CUBN: variants seen among roughly 807,000 people sequenced by gnomAD.
The protein encoded by CUBN is 460 kDa receptor.
Under a neutral mutation model 405.3 loss-of-function variants are expected in CUBN, and 282 were observed. The ratio of observed to expected loss-of-function variants is 0.70; its 90% CI spans 0.63 to 0.77. The LOEUF is 0.77. Among genes scored for constraint, CUBN ranks in the 30% least tolerant of loss-of-function variants. The pLI, the probability that CUBN is intolerant of heterozygous loss-of-function variation, is 0.00. For synonymous variants in CUBN, 1,684 were observed against 1,617.0 expected, an observed-to-expected ratio of 1.04 and a Z score of -0.99; for missense variants, 4,514 against 4,475.2, an observed-to-expected ratio of 1.01 and a Z score of -0.25.
chr10:16,834,986 A>G (rs1307582825), intron 64 of CUBN, 28 bp downstream of exon 64: 6 of 1,600,816 alleles, frequency 3.7e-6, no homozygotes, highest in Non-Finnish European at 5.1e-6. Context: ...TAAATAATTC[A>G]TTCAAACGAT....
At chr10:16,873,721 CAAAAAA>C (rs56307605) in intron 58 of CUBN, among the ~76,000 whole-genome samples, 1 of 116,498 alleles carries the variant, frequency 8.6e-6, no homozygotes, top group South Asian at 2.7e-4. Flanking sequence ...GACCTTCTCT[CAAAAAA>C]AAAAAAAAAA....
At chr10:17,126,628 A>G (rs1837197920) in intron 4 of CUBN, 133 bp downstream of exon 4, 1 of 945,988 alleles carries the variant, frequency 1.1e-6, no homozygotes, top group Admixed American at 1.9e-5. Flanking sequence ...CTGGGATGAG[A>G]ATTAAATTAT....
chr10:16,994,279 A>T (rs1164966711), intron 28 of CUBN, among the ~76,000 whole-genome samples: 1 of 152,226 alleles, frequency 6.6e-6, no homozygotes, highest in Non-Finnish European at 1.5e-5. Context: ...TATCTCTTGA[A>T]AAAAAGAAAG....
intron 6 of CUBN, among the ~76,000 whole-genome samples, chr10:17,120,808 T>C (rs1837022134): frequency 6.6e-6 from 1 of 152,216 alleles, no homozygotes; most frequent in Admixed American, 6.5e-5. Flanking sequence ...AGTTTGCCCA[T>C]ACTTGTCGCT....
At chr10:16,940,269 TA>T in intron 36 of CUBN, 32 bp from the exon 37 acceptor site, 1 of 1,578,476 alleles carries the variant, frequency 6.3e-7, no homozygotes, top group Non-Finnish European at 8.7e-7. Context: ...TTAAAGGGAT[TA>T]AATTGAGAGA....
At chr10:16,862,860 T>G (rs1840058836) in intron 59 of CUBN, among the ~76,000 whole-genome samples, 1 of 152,192 alleles carries the variant, frequency 6.6e-6, no homozygotes, top group Non-Finnish European at 1.5e-5. Flanking sequence ...ACCTGTTCCC[T>G]TCAGTGTTTT....
At chr10:17,090,863 A>C (rs2131285553) in intron 14 of CUBN, among the ~76,000 whole-genome samples, 1 of 150,774 alleles carries the variant, frequency 6.6e-6, no homozygotes, top group East Asian at 1.9e-4. Context: ...TAATCTCAAT[A>C]TTCCAATATA....
chr10:16,929,387 G>GT (rs1307892465), intron 40 of CUBN, among the ~76,000 whole-genome samples: 3 of 152,002 alleles, frequency 2.0e-5, no homozygotes, highest in Non-Finnish European at 2.9e-5. Context: ...AAAATATGTT[G>GT]TTTTTTTCTC....
rs1842844437 is a variant in CUBN, at chr10:16,948,579, T to C, written c.5108A>G (p.His1703Arg). ...RGRYCGTDMPHPITSFSSALT... is the reference protein window; with the variant it reads ...RGRYCGTDMPRPITSFSSALT... ...GGCGCTGCTGAAGGATGTGATAGGA[T>C]GGGGCATGTCGGTGCCACAGTAACG... is the stretch of plus-strand genomic sequence containing the variant. The change falls in exon 35 of 67, where the codon CAT (histidine) becomes CGT (arginine). Residue 1703 changes from histidine to arginine, a missense_variant. His to Arg is a conservative substitution (Grantham distance 29). Around this residue, in one of 5 missense-constraint regions of CUBN, gnomAD observed 1,613 missense variants for 1,542.8 expected, o/e 1.05. Coordinates refer to ENST00000377833, the MANE Select transcript of CUBN (RefSeq NM_001081.4). 1 of 1,613,990 alleles carries C rather than the reference T, an allele frequency of 6.2e-7. No individual in the cohort carries two copies. The highest frequency in any genetic ancestry group is 1.3e-5 in the African/African-American group (1 of 75,030).
intron 28 of CUBN, among the ~76,000 whole-genome samples, chr10:17,001,410 G>T (rs561777278): frequency 6.6e-6 from 1 of 152,304 alleles, no homozygotes; most frequent in South Asian, 2.1e-4. Flanking sequence ...ACAGAGTGCT[G>T]ATTGGTCCGT....
At chr10:16,892,912 T>C (rs1391389875) in intron 54 of CUBN, among the ~76,000 whole-genome samples, 1 of 152,226 alleles carries the variant, frequency 6.6e-6, no homozygotes, top group Non-Finnish European at 1.5e-5. Context: ...CTTATACTTT[T>C]CTGAAGTCAT....
chr10:16,833,284 C>T (rs1839063101), intron 64 of CUBN, among the ~76,000 whole-genome samples: 1 of 152,118 alleles, frequency 6.6e-6, no homozygotes, highest in South Asian at 2.1e-4. Context: ...TACACAGGTC[C>T]AAGTTGAATA....
At chr10:17,116,025 T>A (rs1205763889) in intron 6 of CUBN, among the ~76,000 whole-genome samples, 1 of 152,226 alleles carries the variant, frequency 6.6e-6, no homozygotes, top group East Asian at 1.9e-4. Context: ...CTGAATGCTC[T>A]CTAGGATTAT....
chr10:16,961,753 C>T (rs1238058757), intron 31 of CUBN, among the ~76,000 whole-genome samples: 3 of 129,546 alleles, frequency 2.3e-5, no homozygotes, highest in Non-Finnish European at 4.7e-5. Context: ...GCTCTGTGGC[C>T]CAGGCTGGAG....
intron 28 of CUBN, among the ~76,000 whole-genome samples, chr10:17,003,225 C>T (rs774569298): frequency 3.3e-5 from 5 of 152,080 alleles, no homozygotes; most frequent in Admixed American, 6.5e-5. Flanking sequence ...ACTTTGGAGG[C>T]GGATGGATGG....
intron 31 of CUBN, among the ~76,000 whole-genome samples, chr10:16,967,847 G>T (rs200948183): frequency 5.6e-5 from 4 of 71,084 alleles, no homozygotes; most frequent in South Asian, 5.0e-4. Context: ...GAGAGACAGA[G>T]GGAGAGAGAG....
intron 28 of CUBN, among the ~76,000 whole-genome samples, chr10:17,017,961 T>G (rs904366706): frequency 6.6e-6 from 1 of 152,128 alleles, no homozygotes; most frequent in Non-Finnish European, 1.5e-5. Context: ...GTTTTACTCA[T>G]GGCTGCAGGG....
rs376662992 is a variant in CUBN at position 16,869,775 on chromosome 10, G to A, written c.9315C>T (p.Ser3105=). ...YLAIYDGANT[S]DPLLGKFCGS... ...CGCAGAATTTGCCAAGAAGGGGATC[G>A]CTGGTATTGGCACCATCGTAAATTG... The change falls in exon 59 of 67, where the codon AGC becomes AGT. Residue 3105 remains serine (S), a synonymous_variant. Transcript: ENST00000377833. 1.3e-4 allele frequency: 203 copies of A among 1,613,926 alleles called. No homozygotes were observed. The highest frequency in any genetic ancestry group is 1.1e-3 in the South Asian group (98 of 91,088).
At chr10:16,973,766 T>C (rs1453944605) in intron 31 of CUBN, among the ~76,000 whole-genome samples, 3 of 152,322 alleles carry the variant, frequency 2.0e-5, no homozygotes, top group African/African-American at 7.2e-5. Flanking sequence ...CCTGTGTTAC[T>C]TCATTTAGGA....
Sources: gnomAD v4.1 joint callset for allele counts (sites outside exome capture counted in the v4.1 genomes callset) on GRCh38, gnomAD v4.1.1 for gene constraint, gnomAD v4.1.1 regional missense constraint, MANE v1.5 for transcripts, NCBI Gene and HGNC (gene_info 2026-07-23, HGNC 2026-07-21) for gene names.